NFAT5: variants seen among roughly 807,000 people sequenced by gnomAD.
NFAT5 encodes nuclear factor of activated T-cells 5.
NFAT5 carries 31 observed loss-of-function variants against 166.5 expected under a neutral mutation model. The observed-to-expected ratio is 0.19, with a 90% CI of 0.14 to 0.25. The LOEUF is 0.25. Among genes scored for constraint, NFAT5 ranks in the 10% least tolerant of loss-of-function variants. NFAT5 has a pLI of 1.00. For synonymous variants in NFAT5, 612 were observed against 639.7 expected (o/e 0.96, Z 0.65); for missense variants, 1,449 against 1,821.8 (o/e 0.80, Z 3.72).
chr16:69,635,740 C>A (rs1057157037), intron 3 of NFAT5, among the ~76,000 whole-genome samples: 1 of 152,104 alleles, frequency 6.6e-6, no homozygotes, highest in Non-Finnish European at 1.5e-5. Context: ...TTAACTATCA[C>A]AAGAATAGCA....
intron 3 of NFAT5, among the ~76,000 whole-genome samples, chr16:69,645,412 T>C (rs2035395975): frequency 6.6e-6 from 1 of 152,198 alleles, no homozygotes; most frequent in Non-Finnish European, 1.5e-5. Flanking sequence ...GAAAAATCTT[T>C]CCATGTGGCA....
At chr16:69,623,430 C>T (rs1009881586) in intron 2 of NFAT5, among the ~76,000 whole-genome samples, 10 of 151,662 alleles carry the variant, frequency 6.6e-5, no homozygotes, top group African/African-American at 2.4e-4. Flanking sequence ...TGGGTTCAAG[C>T]AGTTTTCCTG....
intron 9 of NFAT5, among the ~76,000 whole-genome samples, chr16:69,674,241 CAA>C (rs59975972): frequency 3.8e-4 from 27 of 71,350 alleles, no homozygotes; most frequent in East Asian, 2.7e-3. Flanking sequence ...GAAACTGTCT[CAA>C]AAAAAAAAAA....
chr16:69,608,330 A>C (rs2033524743), intron 2 of NFAT5, among the ~76,000 whole-genome samples: 1 of 152,156 alleles, frequency 6.6e-6, no homozygotes, highest in African/African-American at 2.4e-5. Context: ...AGATACTCTA[A>C]GGAGATCCTC....
chr16:69,578,126 G>T (rs377050075), intron 2 of NFAT5, among the ~76,000 whole-genome samples: 285 of 152,258 alleles, frequency 1.9e-3, no homozygotes, highest in African/African-American at 5.1e-3. Context: ...ATCTAGAGAT[G>T]ATTTAAAGTA....
chr16:69,670,184 G>T (rs1022305688), intron 8 of NFAT5, 52 bp from the exon 9 acceptor site: 16 of 1,569,186 alleles, frequency 1.0e-5, no homozygotes, highest in Admixed American at 1.9e-5. Flanking sequence ...CATAGCTACA[G>T]AGTAAAAAAA....
intron 7 of NFAT5, among the ~76,000 whole-genome samples, chr16:69,667,349 T>G (rs868581376): frequency 1.6e-4 from 24 of 152,208 alleles, no homozygotes; most frequent in Middle Eastern, 6.8e-3. Flanking sequence ...AAAAAAACTT[T>G]ACAAGAATAG....
Position 69,648,489 on chromosome 16 carries a change from GTTAC to G in NFAT5, c.812+907_812+910del, listed in dbSNP as rs2035542483. 13 of 984,692 alleles carry G rather than the reference GTTAC, an allele frequency of 1.3e-5. No individual in the cohort carries two copies. The South Asian group carries it at 5.6e-4, about 43-fold the overall frequency. The allele number at this position is 984,692 out of a possible 1,614,324, so 61.0% of individuals were successfully genotyped here. A position where few individuals can be genotyped will look rare whatever the true frequency, so the allele number is the denominator to read the frequency against. On this transcript the variant is annotated intron_variant, in intron 4 of 14. Coordinates refer to ENST00000349945, the MANE Select transcript of NFAT5 (RefSeq NM_138713.4). ...ACTCATTTTTTTTCTGTGATTCTGG[GTTAC>G]TTATTTAGAGGGTGATGAAACAGGA... is the stretch of plus-strand genomic sequence containing the variant.
intron 3 of NFAT5, among the ~76,000 whole-genome samples, chr16:69,631,915 G>A (rs1409192596): frequency 2.0e-5 from 3 of 152,184 alleles, no homozygotes; most frequent in Non-Finnish European, 4.4e-5. Flanking sequence ...ATAACTTGAT[G>A]TGAAGTGATC....
chr16:69,594,132 T>C (rs1394013992), intron 2 of NFAT5, among the ~76,000 whole-genome samples: 3 of 152,186 alleles, frequency 2.0e-5, no homozygotes, highest in Non-Finnish European at 4.4e-5. Context: ...AACTTTATGA[T>C]GGGGTATGTT....
chr16:69,672,522 A>G (rs2036664672), intron 9 of NFAT5, among the ~76,000 whole-genome samples: 2 of 152,214 alleles, frequency 1.3e-5, no homozygotes, highest in Admixed American at 6.5e-5. Flanking sequence ...CCTGGAGGTT[A>G]GAGGCAATGT....
intron 3 of NFAT5, 93 bp from the exon 4 acceptor site, chr16:69,646,935 C>A: frequency 9.4e-7 from 1 of 1,062,476 alleles, no homozygotes; most frequent in Non-Finnish European, 1.3e-6. Context: ...TGGGGAAAAA[C>A]AATCAGTTCA....
chr16:69,566,788 C>T lies in NFAT5; in HGVS notation c.73+414C>T, dbSNP rs1279213602. Among the ~76,000 whole-genome samples the T allele has an allele frequency of 1.3e-5, 2 of 152,188 alleles. No homozygotes were observed. The highest frequency in any genetic ancestry group is 2.4e-5 in the African/African-American group (1 of 41,456). On this transcript the variant is annotated intron_variant, in intron 1 of 14. Coordinates refer to ENST00000349945, the MANE Select transcript of NFAT5 (RefSeq NM_138713.4). The surrounding 1 kb of genome is among the most constrained non-coding windows in gnomAD (Gnocchi z 5.7). ...CGCGTCTTCTCTTACCGGGACCCTC[C>T]TCCCCAGCAAAGTTGCCCCCAAGCG...
intron 2 of NFAT5, among the ~76,000 whole-genome samples, chr16:69,581,522 T>C (rs1210873999): frequency 6.6e-6 from 1 of 152,218 alleles, no homozygotes; most frequent in Non-Finnish European, 1.5e-5. Context: ...ACTGCCAAAC[T>C]GCTTTCCATG....
At chr16:69,581,591 A>T (rs916232286) in intron 2 of NFAT5, among the ~76,000 whole-genome samples, 12 of 151,962 alleles carry the variant, frequency 7.9e-5, no homozygotes, top group African/African-American at 2.9e-4. Flanking sequence ...ATTTTTTCAA[A>T]TTTTTTTGCC....
intron 7 of NFAT5, among the ~76,000 whole-genome samples, chr16:69,663,812 G>T (rs150832522): frequency 6.6e-6 from 1 of 152,164 alleles, no homozygotes; most frequent in African/African-American, 2.4e-5. Context: ...AAGAGTTCAA[G>T]GATACAGTGA....
intron 2 of NFAT5, among the ~76,000 whole-genome samples, chr16:69,571,589 T>G (rs926659253): frequency 1.3e-5 from 2 of 152,062 alleles, no homozygotes; most frequent in Non-Finnish European, 2.9e-5. Context: ...GTAGTCTAGA[T>G]TTTCATCTAT....
chr16:69,578,473 A>G (rs2031445027), intron 2 of NFAT5, among the ~76,000 whole-genome samples: 1 of 152,244 alleles, frequency 6.6e-6, no homozygotes, highest in South Asian at 2.1e-4. Flanking sequence ...GCAATTCAAT[A>G]GAACACTTAA....
chr16:69,656,317 A>G (rs1464537784), intron 6 of NFAT5, among the ~76,000 whole-genome samples: 1 of 151,990 alleles, frequency 6.6e-6, no homozygotes, highest in African/African-American at 2.4e-5. Context: ...TCCCGTGGTA[A>G]AGGCAGGGAA....
Sources: allele counts gnomAD v4.1 joint callset (sites outside exome capture counted in the v4.1 genomes callset), GRCh38; gene constraint gnomAD v4.1.1; non-coding constraint Gnocchi (gnomAD v3.1); transcripts MANE v1.5; gene names NCBI Gene and HGNC (gene_info 2026-07-23, HGNC 2026-07-21).